The following TMIGD3 variants were observed in gnomAD, a reference collection of about 807,000 sequenced individuals.
The protein encoded by TMIGD3 is AD026 protein (AD026).
TMIGD3 carries 21 observed loss-of-function variants against 28.1 expected under a neutral mutation model. The observed-to-expected ratio is 0.75, with a 90% CI of 0.53 to 1.08. The LOEUF (loss-of-function observed/expected upper bound fraction) is 1.08, where lower values mean the gene tolerates loss of function less well. Ranked by LOEUF, TMIGD3 falls within the 50% of genes least tolerant of loss-of-function variation. The pLI is 0.00. For missense variants in TMIGD3, 416 were observed against 435.6 expected (o/e 0.96, Z 0.40); for synonymous variants, 151 against 162.1 (o/e 0.93, Z 0.52).
intron 1 of TMIGD3, among the ~76,000 whole-genome samples, chr1:111,513,667 G>A (rs1185445690): frequency 6.6e-6 from 1 of 152,164 alleles, no homozygotes; most frequent in Non-Finnish European, 1.5e-5. Flanking sequence ...TTCAGTGACC[G>A]TGACTTCAGC....
intron 1 of TMIGD3, among the ~76,000 whole-genome samples, chr1:111,531,583 A>C (rs1215133455): frequency 6.6e-6 from 1 of 151,798 alleles, no homozygotes; most frequent in Non-Finnish European, 1.5e-5. Flanking sequence ...GCTTCTTTTT[A>C]TTTTGCTCCT....
intron 1 of TMIGD3, among the ~76,000 whole-genome samples, chr1:111,514,242 G>T (rs889005259): frequency 1.3e-5 from 2 of 152,168 alleles, no homozygotes; most frequent in Non-Finnish European, 2.9e-5. Context: ...GGGAGTAGAT[G>T]TAGTAGCTAC....
At chr1:111,557,374 C>G (rs532967783) in intron 1 of TMIGD3, among the ~76,000 whole-genome samples, 7 of 151,998 alleles carry the variant, frequency 4.6e-5, no homozygotes, top group Non-Finnish European at 8.8e-5. Context: ...CGGTGAAACC[C>G]TGTCTCTACT....
chr1:111,555,857 C>T (rs918764234), intron 1 of TMIGD3, among the ~76,000 whole-genome samples: 12 of 151,986 alleles, frequency 7.9e-5, no homozygotes, highest in Non-Finnish European at 8.8e-5. Flanking sequence ...GATTTGGCAA[C>T]GATTTCTTGG....
intron 1 of TMIGD3, among the ~76,000 whole-genome samples, chr1:111,546,506 G>A (rs1303784207): frequency 6.6e-6 from 1 of 151,980 alleles, no homozygotes; most frequent in Non-Finnish European, 1.5e-5. Context: ...CTTCATATAA[G>A]TGAAATCACA....
At chr1:111,499,368 C>T (rs561166634) in intron 1 of TMIGD3, 1 of 975,112 alleles carries the variant, frequency 1.0e-6, no homozygotes, top group East Asian at 1.1e-4. Flanking sequence ...AAGCTTAGTG[C>T]CAAAGACAGC....
intron 1 of TMIGD3, among the ~76,000 whole-genome samples, chr1:111,498,078 G>T (rs1212535129): frequency 1.3e-5 from 2 of 152,170 alleles, no homozygotes; most frequent in Non-Finnish European, 2.9e-5. Flanking sequence ...GAAACACCTA[G>T]AATTCTTGAT....
At position 111,503,432 on chromosome 1, in the gene TMIGD3, C is replaced by T. The variant is rs1557825562; in HGVS notation, c.-78G>A. ...CTGTAGGGCCAGTGGGCCTAGCTCT[C>T]GCCAGACGTCTTCCCAGAGGTCCAT... is the stretch of plus-strand genomic sequence containing the variant. On this transcript the variant is annotated 5_prime_UTR_variant, in exon 1 of 6. Transcript: ENST00000369716. 8.6e-6 allele frequency: 13 copies of T among 1,502,970 alleles called. No individual in the cohort carries two copies. In the East Asian group the frequency reaches 1.5e-4, roughly 17 times the overall value. 93.1% of individuals were successfully genotyped at this position (1,502,970 alleles called of 1,614,324 possible).
At chr1:111,488,382 A>G (rs1654487892) in intron 3 of TMIGD3, among the ~76,000 whole-genome samples, 1 of 152,216 alleles carries the variant, frequency 6.6e-6, no homozygotes, top group Non-Finnish European at 1.5e-5. Flanking sequence ...AAGATCTCAC[A>G]TCTATTAGAC....
At chr1:111,498,271 C>T (rs535218341) in intron 1 of TMIGD3, among the ~76,000 whole-genome samples, 5 of 152,330 alleles carry the variant, frequency 3.3e-5, no homozygotes, top group Admixed American at 6.5e-5. Flanking sequence ...AAATCTCCAT[C>T]TTGTTGCTCT....
chr1:111,528,612 A>G (rs996197722), intron 1 of TMIGD3, among the ~76,000 whole-genome samples: 1 of 152,174 alleles, frequency 6.6e-6, no homozygotes, highest in Non-Finnish European at 1.5e-5. Flanking sequence ...GTTGGGAAGA[A>G]CTGACATCTT....
chr1:111,488,847 C>T lies in TMIGD3; in HGVS notation c.635G>A (p.Arg212Lys), dbSNP rs754782315. 20 of 1,614,100 alleles carry T rather than the reference C, an allele frequency of 1.2e-5. No individual in the cohort carries two copies. The highest frequency in any genetic ancestry group is 2.5e-6 in the Non-Finnish European group (3 of 1,180,048). The change falls in exon 3 of 6, where the codon AGG (arginine) becomes AAG (lysine). Residue 212 changes from arginine to lysine, a missense_variant. Physicochemically the swap from Arg to Lys is conservative, Grantham distance 26 (BLOSUM62 2). Coordinates refer to ENST00000369716, the MANE Select transcript of TMIGD3 (RefSeq NM_020683.7). ...SPNSTNHVAL[R>K]DTGNQLIVTM... ...GACAATGAGCTGGTTCCCTGTGTCC[C>T]TCAGGGCCACATGATTGGTGCTGTT...
At chr1:111,486,549 GC>G in intron 4 of TMIGD3, 36 bp downstream of exon 4, 1 of 1,272,194 alleles carries the variant, frequency 7.9e-7, no homozygotes. Context: ...CCACCCCACC[GC>G]CCCAAGCCCA....
In TMIGD3 at chr1:111,503,426, A is replaced by G. The variant is rs1051576241; in HGVS notation, c.-72T>C. 1.5e-5 allele frequency: 22 copies of G among 1,513,330 alleles called. No homozygotes were observed. The Admixed American group carries it at 2.7e-4, about 19-fold the overall frequency. 93.7% of individuals were successfully genotyped at this position (1,513,330 alleles called of 1,614,324 possible). On this transcript the variant is annotated 5_prime_UTR_variant, in exon 1 of 6. It removes the in-frame stop codon of an upstream open reading frame in the 5' UTR. Transcript: ENST00000369716. ...ATCCGTCTGTAGGGCCAGTGGGCCT[A>G]GCTCTCGCCAGACGTCTTCCCAGAG... is the stretch of plus-strand genomic sequence containing the variant.
intron 1 of TMIGD3, among the ~76,000 whole-genome samples, chr1:111,551,371 C>T (rs1657252396): frequency 6.6e-6 from 1 of 152,146 alleles, no homozygotes; most frequent in South Asian, 2.1e-4. Flanking sequence ...TAGGGGGCCA[C>T]TTTAATTCCT....
intron 1 of TMIGD3, among the ~76,000 whole-genome samples, chr1:111,545,089 A>G (rs978222424): frequency 6.8e-6 from 1 of 147,552 alleles, no homozygotes; most frequent in African/African-American, 2.6e-5. Flanking sequence ...TACATACCCA[A>G]TTTCTTGGGT....
intron 1 of TMIGD3, among the ~76,000 whole-genome samples, chr1:111,522,779 G>C (rs996363324): frequency 1.3e-5 from 2 of 152,128 alleles, no homozygotes; most frequent in Non-Finnish European, 2.9e-5. Context: ...GCCTCTCAAA[G>C]TGCTGGGATT....
chr1:111,557,422 C>T (rs948359207), intron 1 of TMIGD3, among the ~76,000 whole-genome samples: 1 of 151,738 alleles, frequency 6.6e-6, no homozygotes, highest in African/African-American at 2.4e-5. Flanking sequence ...TGGTGGGACC[C>T]GCCTGTAGTC....
intron 1 of TMIGD3, among the ~76,000 whole-genome samples, chr1:111,491,048 TATGCCCTGTCCTGCTGCCA>T (rs1654635511): frequency 6.6e-6 from 1 of 152,278 alleles, no homozygotes; most frequent in South Asian, 2.1e-4. Context: ...TGTGCTCTAC[TATGCCCTGTCCTGCTGCCA>T]ATGGTCCTGG....
Sources: allele counts gnomAD v4.1 joint callset (sites outside exome capture counted in the v4.1 genomes callset), GRCh38; gene constraint gnomAD v4.1.1; transcripts MANE v1.5; gene names NCBI Gene and HGNC (gene_info 2026-07-23, HGNC 2026-07-21).